MOXD1: variants seen among roughly 807,000 people sequenced by gnomAD.
MOXD1 encodes the protein monooxygenase DBH like 1.
In MOXD1, 62 loss-of-function variants were observed where a neutral mutation model predicts 66.6. The ratio of observed to expected loss-of-function variants is 0.93; its 90% CI spans 0.76 to 1.15. The LOEUF (loss-of-function observed/expected upper bound fraction) is 1.15, where lower values mean the gene tolerates loss of function less well. Ranked by LOEUF, MOXD1 falls within the 50% of genes most tolerant of loss-of-function variation. The pLI is 0.00. For synonymous variants in MOXD1, 303 were observed against 281.9 expected (o/e 1.07, Z -0.75); for missense variants, 847 against 754.6 (o/e 1.12, Z -1.44).
At chr6:132,395,969 A>G (rs1030009182) in intron 1 of MOXD1, among the ~76,000 whole-genome samples, 4 of 152,238 alleles carry the variant, frequency 2.6e-5, no homozygotes, top group Admixed American at 1.3e-4. Flanking sequence ...CACTCTCAGC[A>G]TTAGACAGGT....
At chr6:132,330,469 C>T (rs1263030628) in intron 4 of MOXD1, among the ~76,000 whole-genome samples, 3 of 152,170 alleles carry the variant, frequency 2.0e-5, no homozygotes, top group African/African-American at 2.4e-5. Context: ...CCCCCATCCT[C>T]CAGTCCGTGG....
At chr6:132,303,708 T>TACAC (rs1230084737) in intron 10 of MOXD1, among the ~76,000 whole-genome samples, 153 of 135,974 alleles carry the variant, frequency 1.1e-3, no homozygotes, top group Non-Finnish European at 1.7e-3. Context: ...ACTGTATACA[T>TACAC]ACACACACAC....
intron 1 of MOXD1, among the ~76,000 whole-genome samples, chr6:132,376,853 G>C (rs1268692812): frequency 6.6e-6 from 1 of 152,184 alleles, no homozygotes; most frequent in Non-Finnish European, 1.5e-5. Context: ...GTTTACACCT[G>C]TTACATGTAT....
intron 1 of MOXD1, among the ~76,000 whole-genome samples, chr6:132,394,140 C>T (rs1273938246): frequency 6.6e-6 from 1 of 152,122 alleles, no homozygotes; most frequent in East Asian, 1.9e-4. Flanking sequence ...CCCAGCAAAA[C>T]TTCACCACAA....
At chr6:132,391,599 A>G (rs774350705) in intron 1 of MOXD1, 4 of 152,176 alleles carry the variant, frequency 2.6e-5, no homozygotes, top group Non-Finnish European at 4.4e-5. Context: ...TGTATTACGT[A>G]TGGATCAAAT....
chr6:132,369,553 A>G (rs1405279592), intron 4 of MOXD1, among the ~76,000 whole-genome samples: 1 of 151,942 alleles, frequency 6.6e-6, no homozygotes, highest in Non-Finnish European at 1.5e-5. Flanking sequence ...GCATATCTGA[A>G]TTGCTAGCTA....
chr6:132,323,835 G>A, intron 7 of MOXD1, 96 bp downstream of exon 7: 2 of 1,307,570 alleles, frequency 1.5e-6, no homozygotes, highest in Non-Finnish European at 2.1e-6. Flanking sequence ...AACAAGAAAG[G>A]AATCGATAAT....
At chr6:132,377,021 G>C (rs1776396340) in intron 1 of MOXD1, among the ~76,000 whole-genome samples, 1 of 152,202 alleles carries the variant, frequency 6.6e-6, no homozygotes, top group Non-Finnish European at 1.5e-5. Flanking sequence ...TGGCCCCAGA[G>C]TCTGGATCCT....
intron 4 of MOXD1, among the ~76,000 whole-genome samples, chr6:132,370,338 G>T (rs1177969758): frequency 6.6e-6 from 1 of 151,960 alleles, no homozygotes; most frequent in Non-Finnish European, 1.5e-5. Context: ...AAATTTTGTT[G>T]AAATCTTGAA....
Position 132,372,364 on chromosome 6 carries a change from C to G in MOXD1, c.663+244G>C, listed in dbSNP as rs182738380. Among the ~76,000 whole-genome samples, 19 of 152,170 alleles carry G rather than the reference C, an allele frequency of 1.2e-4. No homozygotes were observed. In the East Asian group the frequency reaches 1.7e-3, roughly 14 times the overall value. ...GCCTAAAATAATAATTAGCGGTGTT[C>G]ATGTGCATACCAAAACTTGTACCTT... On this transcript the variant is annotated intron_variant, in intron 4 of 11. Coordinates refer to ENST00000367963, the MANE Select transcript of MOXD1 (RefSeq NM_015529.4).
chr6:132,380,031 T>C (rs1312759001), intron 1 of MOXD1, among the ~76,000 whole-genome samples: 1 of 152,106 alleles, frequency 6.6e-6, no homozygotes, highest in Non-Finnish European at 1.5e-5. Context: ...GGATCACAGG[T>C]GTAAGCCACC....
intron 4 of MOXD1, among the ~76,000 whole-genome samples, chr6:132,331,900 G>T (rs965292453): frequency 6.6e-6 from 1 of 152,152 alleles, no homozygotes; most frequent in East Asian, 1.9e-4. Context: ...AAGGCAAGTT[G>T]CCGACAGCTG....
At chr6:132,395,824 G>A (rs2114699103) in intron 1 of MOXD1, among the ~76,000 whole-genome samples, 1 of 152,202 alleles carries the variant, frequency 6.6e-6, no homozygotes, top group East Asian at 1.9e-4. Flanking sequence ...AGCAAGAGCT[G>A]CATATATATT....
intron 4 of MOXD1, among the ~76,000 whole-genome samples, chr6:132,356,236 T>C (rs905501771): frequency 6.6e-6 from 1 of 152,178 alleles, no homozygotes; most frequent in Non-Finnish European, 1.5e-5. Context: ...TAAAAGAATG[T>C]TTTAAAAAGA....
intron 10 of MOXD1, among the ~76,000 whole-genome samples, chr6:132,313,556 C>T (rs959348000): frequency 2.6e-5 from 4 of 152,160 alleles, no homozygotes; most frequent in African/African-American, 9.7e-5. Flanking sequence ...TCTCCTTCAT[C>T]ATCTGCATTT....
intron 4 of MOXD1, among the ~76,000 whole-genome samples, chr6:132,349,452 CATAT>C (rs1197053952): frequency 4.0e-5 from 3 of 74,196 alleles, no homozygotes; most frequent in Middle Eastern, 5.8e-3. Context: ...TATATATATA[CATAT>C]ATATATATAC....
intron 1 of MOXD1, among the ~76,000 whole-genome samples, chr6:132,400,762 A>AC (rs1777004722): frequency 6.6e-6 from 1 of 152,108 alleles, no homozygotes; most frequent in South Asian, 2.1e-4. Flanking sequence ...TCCGCGACGT[A>AC]CTAAAGCGCT....
intron 1 of MOXD1, among the ~76,000 whole-genome samples, chr6:132,395,542 G>A (rs553147177): frequency 7.2e-5 from 11 of 151,980 alleles, no homozygotes; most frequent in East Asian, 1.9e-4. Context: ...ATAATAACCC[G>A]GAATGTAAAC....
chr6:132,359,778 GC>G (rs1400456085), intron 4 of MOXD1, among the ~76,000 whole-genome samples: 2 of 152,126 alleles, frequency 1.3e-5, no homozygotes, highest in Non-Finnish European at 2.9e-5. Context: ...GAGCCACCGC[GC>G]CCGGCCCAGA....
Sources: allele counts gnomAD v4.1 joint callset (sites outside exome capture counted in the v4.1 genomes callset), GRCh38; gene constraint gnomAD v4.1.1; transcripts MANE v1.5; gene names NCBI Gene and HGNC (gene_info 2026-07-23, HGNC 2026-07-21).